SLC6A16: variants seen among roughly 807,000 people sequenced by gnomAD.
The protein encoded by SLC6A16 is orphan sodium- and chloride-dependent neurotransmitter transporter NTT5.
SLC6A16 carries 54 observed loss-of-function variants against 65.4 expected under a neutral mutation model. The ratio of observed to expected loss-of-function variants is 0.83; its 90% CI spans 0.66 to 1.04. The LOEUF (loss-of-function observed/expected upper bound fraction) is 1.04. Ranked by LOEUF, SLC6A16 falls within the 50% of genes least tolerant of loss-of-function variation. SLC6A16 has a pLI of 0.00. For synonymous variants in SLC6A16, 330 were observed against 346.5 expected (o/e 0.95, Z 0.53); for missense variants, 816 against 914.0 (o/e 0.89, Z 1.38).
chr19:49,290,737 GC>G lies in SLC6A16; in HGVS notation c.1808del (p.Gly603AlafsTer21). ...RFLADLTILL[G>X]HPISPIFGWL... Reference sequence around the variant, plus strand: ...AACCAAAGATGGGAGAGATGGGGTGGCCCAACAGGATCGTCAGGTCTGCAAG... The same window carrying G: ...AACCAAAGATGGGAGAGATGGGGTGGCCAACAGGATCGTCAGGTCTGCAAG... On this transcript the variant is annotated frameshift_variant, in exon 11 of 12. Coordinates refer to ENST00000335875, the MANE Select transcript of SLC6A16 (RefSeq NM_014037.3). LOFTEE classifies it high-confidence loss of function. 6.2e-7 allele frequency: 1 copy of G among 1,612,520 alleles called. No homozygotes were observed. Among genetic ancestry groups the G allele is most frequent in the Non-Finnish European group, 8.5e-7 (1 of 1,179,340 alleles).
chr19:49,302,221 CAG>C (rs1600622806), intron 7 of SLC6A16, among the ~76,000 whole-genome samples: 1 of 152,234 alleles, frequency 6.6e-6, no homozygotes, highest in East Asian at 1.9e-4. Flanking sequence ...GCCTCTGCAG[CAG>C]AGTGTGTGCA....
the SLC6A16 span, chr19:49,339,953 A>G: frequency 7.1e-7 from 1 of 1,399,348 alleles, no homozygotes; most frequent in Non-Finnish European, 9.3e-7. The surrounding 1 kb of genome is among the most constrained non-coding windows in gnomAD (Gnocchi z 4.5). Context: ...GAGGAGGCAC[A>G]ATTAGAGGCT....
intron 7 of SLC6A16, among the ~76,000 whole-genome samples, chr19:49,300,187 G>C (rs1237038194): frequency 2.0e-5 from 3 of 151,882 alleles, no homozygotes; most frequent in African/African-American, 7.3e-5. Flanking sequence ...AAAATAATAT[G>C]AAATAAAAAT....
chr19:49,337,885 G>A, the SLC6A16 span: 7 of 1,612,008 alleles, frequency 4.3e-6, no homozygotes, highest in East Asian at 2.2e-5. Flanking sequence ...GAGGGGTGGG[G>A]CGGGGAAGAT....
intron 8 of SLC6A16, 96 bp from the exon 9 acceptor site, chr19:49,294,124 C>T: frequency 9.1e-7 from 1 of 1,093,804 alleles, no homozygotes; most frequent in Non-Finnish European, 1.3e-6. Flanking sequence ...TGGAAAACTC[C>T]TGAAAATCCC....
chr19:49,330,927 G>A, the SLC6A16 span, among the ~76,000 whole-genome samples: 2 of 142,824 alleles, frequency 1.4e-5, no homozygotes, highest in African/African-American at 5.8e-5. Context: ...GGGCAATAGA[G>A]TGAGACAAAA....
chr19:49,338,129 A>G, the SLC6A16 span: 2 of 1,509,554 alleles, frequency 1.3e-6, no homozygotes, highest in Non-Finnish European at 1.8e-6. The surrounding 1 kb of genome is among the most constrained non-coding windows in gnomAD (Gnocchi z 5.0). Flanking sequence ...CAGCTCTACG[A>G]TCCTAACACA....
At chr19:49,308,416 G>A (rs1390305260) in intron 7 of SLC6A16, among the ~76,000 whole-genome samples, 1 of 152,054 alleles carries the variant, frequency 6.6e-6, no homozygotes, top group Non-Finnish European at 1.5e-5. Context: ...TCGCGCCACT[G>A]CACTCCAGCC....
chr19:49,296,049 G>A (rs1391514341), intron 7 of SLC6A16, among the ~76,000 whole-genome samples: 3 of 152,092 alleles, frequency 2.0e-5, no homozygotes, highest in African/African-American at 7.2e-5. Context: ...GAGTGCATTG[G>A]TGCGATCTCC....
the SLC6A16 span, chr19:49,335,614 G>C: frequency 6.2e-7 from 1 of 1,613,620 alleles, no homozygotes; most frequent in Non-Finnish European, 8.5e-7. This position sits in a 1 kb window ranked among gnomAD's most constrained non-coding sequence, Gnocchi z 4.6. Flanking sequence ...TTCTTCGTGA[G>C]TTGCCTCATG....
At chr19:49,336,946 C>T in the SLC6A16 span, 1 of 1,614,244 alleles carries the variant, frequency 6.2e-7, no homozygotes, top group South Asian at 1.1e-5. Context: ...GGTCCAAAGT[C>T]CTGGCCATCT....
the SLC6A16 span, among the ~76,000 whole-genome samples, chr19:49,338,373 T>A: frequency 2.1e-5 from 3 of 146,042 alleles, no homozygotes; most frequent in Non-Finnish European, 4.5e-5. The surrounding 1 kb of genome is among the most constrained non-coding windows in gnomAD (Gnocchi z 5.0). Flanking sequence ...CCGCCCCCGA[T>A]GAGACTCACA....
intron 7 of SLC6A16, among the ~76,000 whole-genome samples, chr19:49,304,470 T>C (rs1215458083): frequency 6.6e-6 from 1 of 152,182 alleles, no homozygotes; most frequent in Admixed American, 6.5e-5. Flanking sequence ...TTTTTTCCTT[T>C]AAAAACCTTT....
the SLC6A16 span, chr19:49,340,313 C>G: frequency 6.2e-7 from 1 of 1,613,150 alleles, no homozygotes; most frequent in Non-Finnish European, 8.5e-7. Flanking sequence ...ACAACCGGCT[C>G]GCTCGATACC....
intron 7 of SLC6A16, among the ~76,000 whole-genome samples, chr19:49,299,117 G>A (rs569587065): frequency 6.6e-5 from 10 of 152,034 alleles, no homozygotes; most frequent in Non-Finnish European, 1.5e-4. Flanking sequence ...ATGGTGGTGG[G>A]CGCCTGTAGT....
upstream of SLC6A16, among the ~76,000 whole-genome samples, chr19:49,328,415 A>C (rs1970818633): frequency 6.6e-6 from 1 of 152,190 alleles, no homozygotes; most frequent in South Asian, 2.1e-4. Context: ...GGGATTATGA[A>C]GATTATAATT....
At chr19:49,294,605 G>A (rs1970150329) in intron 7 of SLC6A16, 52 bp from the exon 8 acceptor site, 1 of 1,433,492 alleles carries the variant, frequency 7.0e-7, no homozygotes, top group South Asian at 1.3e-5. Flanking sequence ...GTAGGAGATA[G>A]TCTCCTTTTC....
Position 49,309,721 on chromosome 19 carries a change from A to T in SLC6A16, c.806T>A (p.Val269Asp). Reference protein sequence around the residue: ...EDGGSPVYSLVLPFFLCWCLV... With the variant: ...EDGGSPVYSLDLPFFLCWCLV... Reference sequence around the variant, plus strand: ...ACACCAGCAAAGAAAGAAGGGCAGGACCAGACTGTAGACTGGTGACCCGCC... The same window carrying T: ...ACACCAGCAAAGAAAGAAGGGCAGGTCCAGACTGTAGACTGGTGACCCGCC... Residue 269 changes from valine to aspartate, a missense_variant, in exon 5 of 12, where the codon GTC becomes GAC. Coordinates refer to ENST00000335875, the MANE Select transcript of SLC6A16 (RefSeq NM_014037.3). The T allele has an allele frequency of 6.2e-7, 1 of 1,614,078 alleles. No homozygotes were observed. The highest frequency in any genetic ancestry group is 1.1e-5 in the South Asian group (1 of 91,070).
At chr19:49,338,390 C>T in the SLC6A16 span, among the ~76,000 whole-genome samples, 1 of 151,852 alleles carries the variant, frequency 6.6e-6, no homozygotes, top group African/African-American at 2.4e-5. This position sits in a 1 kb window ranked among gnomAD's most constrained non-coding sequence, Gnocchi z 5.0. Flanking sequence ...CACATGGTCT[C>T]GCACTCCTAT....
Sources: allele counts gnomAD v4.1 joint callset (sites outside exome capture counted in the v4.1 genomes callset), GRCh38; gene constraint gnomAD v4.1.1; non-coding constraint Gnocchi (gnomAD v3.1); transcripts MANE v1.5; gene names NCBI Gene and HGNC (gene_info 2026-07-23, HGNC 2026-07-21).